MAGI3: variants seen among roughly 807,000 people sequenced by gnomAD.
MAGI3 encodes the protein membrane-associated guanylate kinase, WW and PDZ domain-containing protein 3.
A neutral mutation model predicts 121.8 loss-of-function variants in MAGI3; 43 were observed. The ratio of observed to expected loss-of-function variants is 0.35; its 90% CI spans 0.28 to 0.46. MAGI3 has a LOEUF of 0.46. Among genes scored for constraint, MAGI3 ranks in the 20% least tolerant of loss-of-function variants. MAGI3 has a pLI of 1.00. For synonymous variants in MAGI3, 553 were observed against 639.3 expected, an observed-to-expected ratio of 0.86 and a Z score of 2.04; for missense variants, 1,547 against 1,797.3, an observed-to-expected ratio of 0.86 and a Z score of 2.52.
At chr1:113,467,485 T>G (rs938051727) in intron 1 of MAGI3, among the ~76,000 whole-genome samples, 1 of 152,120 alleles carries the variant, frequency 6.6e-6, no homozygotes, top group Non-Finnish European at 1.5e-5. Context: ...CTTTGTTGGT[T>G]TTCTCTCTGA....
chr1:113,684,178 A>C lies in MAGI3; in HGVS notation c.*164A>C. 5.3e-6 allele frequency: 4 copies of C among 755,344 alleles called. No homozygotes were observed. The South Asian group carries it at 1.1e-4, about 20-fold the overall frequency. The allele number at this position is 755,344 out of a possible 1,614,324, so 46.8% of individuals were successfully genotyped here. A position where few individuals can be genotyped will look rare whatever the true frequency, so the allele number is the denominator to read the frequency against. Reference sequence around the variant, plus strand: ...GCATGAAGGGCCTTTAGGATTGCTAAGAACCAACTGTCCCCCTGGCCGGCT... The same window carrying C: ...GCATGAAGGGCCTTTAGGATTGCTACGAACCAACTGTCCCCCTGGCCGGCT... On this transcript the variant is annotated 3_prime_UTR_variant, in exon 21 of 21. Transcript: ENST00000307546.
chr1:113,570,505 C>A (rs1002429987), intron 2 of MAGI3, among the ~76,000 whole-genome samples: 1 of 152,212 alleles, frequency 6.6e-6, no homozygotes, highest in Non-Finnish European at 1.5e-5. Context: ...TACACTCCCA[C>A]TAACAGTGTA....
intron 1 of MAGI3, among the ~76,000 whole-genome samples, chr1:113,481,061 A>AT (rs1329121273): frequency 6.6e-6 from 1 of 152,234 alleles, no homozygotes; most frequent in Admixed American, 6.5e-5. Context: ...CACTACATCC[A>AT]TATTACTTAT....
intron 1 of MAGI3, among the ~76,000 whole-genome samples, chr1:113,507,338 C>A (rs989902943): frequency 6.6e-6 from 1 of 152,070 alleles, no homozygotes; most frequent in African/African-American, 2.4e-5. Flanking sequence ...TTTATAGTAT[C>A]CTCTCTACTA....
chr1:113,449,600 A>T, intron 1 of MAGI3: 1 of 638,798 alleles, frequency 1.6e-6, no homozygotes, highest in East Asian at 2.7e-5. Flanking sequence ...TTTTTTTCCC[A>T]ATAGATTGAG....
intron 1 of MAGI3, among the ~76,000 whole-genome samples, chr1:113,475,060 A>T (rs1655744460): frequency 6.6e-6 from 1 of 152,194 alleles, no homozygotes; most frequent in African/African-American, 2.4e-5. Context: ...ATGTATAGGA[A>T]TGCTTGTGAT....
chr1:113,467,528 T>C (rs563374287), intron 1 of MAGI3, among the ~76,000 whole-genome samples: 1 of 152,184 alleles, frequency 6.6e-6, no homozygotes, highest in South Asian at 2.1e-4. Context: ...GTGTTAAAAG[T>C]TCCCTACTAT....
intron 2 of MAGI3, among the ~76,000 whole-genome samples, chr1:113,566,074 C>A (rs1016037648): frequency 2.7e-4 from 41 of 152,132 alleles, no homozygotes; most frequent in African/African-American, 9.2e-4. Flanking sequence ...GCAAATTACC[C>A]TAGAAACTCC....
chr1:113,628,614 A>C (rs1651397375), intron 9 of MAGI3, among the ~76,000 whole-genome samples: 1 of 152,174 alleles, frequency 6.6e-6, no homozygotes, highest in African/African-American at 2.4e-5. Flanking sequence ...GTGTTCACGA[A>C]ATCCCTTAGC....
At chr1:113,607,479 T>C (rs1381293463) in intron 6 of MAGI3, among the ~76,000 whole-genome samples, 1 of 152,112 alleles carries the variant, frequency 6.6e-6, no homozygotes, top group Admixed American at 6.5e-5. Context: ...ACAAAAACAC[T>C]ACTGATTGAA....
chr1:113,661,899 G>T (rs1571016564), intron 16 of MAGI3, among the ~76,000 whole-genome samples: 1 of 151,990 alleles, frequency 6.6e-6, no homozygotes, highest in East Asian at 1.9e-4. Flanking sequence ...AAAACATCCA[G>T]AATCTCTTAT....
chr1:113,546,376 G>A (rs1659534341), intron 1 of MAGI3, among the ~76,000 whole-genome samples: 1 of 152,076 alleles, frequency 6.6e-6, no homozygotes, highest in Non-Finnish European at 1.5e-5. Flanking sequence ...CCACTCTGTT[G>A]CCCAGGCTGA....
At chr1:113,535,742 GTCAGTTAC>G (rs1156951560) in intron 1 of MAGI3, among the ~76,000 whole-genome samples, 2 of 152,032 alleles carry the variant, frequency 1.3e-5, no homozygotes, top group Non-Finnish European at 2.9e-5. Context: ...CTAGATTATT[GTCAGTTAC>G]TCTCTGTGAG....
intron 9 of MAGI3, among the ~76,000 whole-genome samples, chr1:113,639,224 C>T (rs566010250): frequency 2.6e-5 from 4 of 152,280 alleles, no homozygotes; most frequent in South Asian, 2.1e-4. Flanking sequence ...AGCTCGCACA[C>T]GGTGCGCTGC....
At chr1:113,677,681 G>A (rs1312720361) in intron 19 of MAGI3, among the ~76,000 whole-genome samples, 3 of 152,036 alleles carry the variant, frequency 2.0e-5, no homozygotes, top group Non-Finnish European at 4.4e-5. Flanking sequence ...GTTTAAAAAA[G>A]GGAACATTCT....
At chr1:113,534,794 A>C (rs1225591674) in intron 1 of MAGI3, among the ~76,000 whole-genome samples, 1 of 152,034 alleles carries the variant, frequency 6.6e-6, no homozygotes, top group Non-Finnish European at 1.5e-5. Context: ...GATCACCTCT[A>C]TCATGTGATT....
chr1:113,545,852 T>A (rs1166894440), intron 1 of MAGI3, among the ~76,000 whole-genome samples: 1 of 152,220 alleles, frequency 6.6e-6, no homozygotes, highest in Non-Finnish European at 1.5e-5. Context: ...ATGAAGAATC[T>A]TTTCTTTGTT....
At chr1:113,439,270 A>G (rs1329111463) in intron 1 of MAGI3, among the ~76,000 whole-genome samples, 1 of 152,214 alleles carries the variant, frequency 6.6e-6, no homozygotes. Context: ...AGAATTTTCC[A>G]TTTAATATTT....
At chr1:113,476,760 C>T (rs1366774723) in intron 1 of MAGI3, among the ~76,000 whole-genome samples, 1 of 152,198 alleles carries the variant, frequency 6.6e-6, no homozygotes, top group Non-Finnish European at 1.5e-5. Context: ...GAGCTGAGTT[C>T]AGGTCCTCGA....
Sources: allele counts gnomAD v4.1 joint callset (sites outside exome capture counted in the v4.1 genomes callset), GRCh38; gene constraint gnomAD v4.1.1; transcripts MANE v1.5; gene names NCBI Gene and HGNC (gene_info 2026-07-23, HGNC 2026-07-21).